PTPRT: variants seen among roughly 807,000 people sequenced by gnomAD.
PTPRT encodes protein tyrosine phosphatase receptor type T, also known as receptor-type tyrosine-protein phosphatase T.
In PTPRT, 56 loss-of-function variants were observed where a neutral mutation model predicts 176.8. The observed-to-expected ratio is 0.32, with a 90% CI of 0.26 to 0.40. The LOEUF is 0.40. Among genes scored for constraint, PTPRT ranks in the 10% least tolerant of loss-of-function variants. The pLI is 1.00. For synonymous variants in PTPRT, 783 were observed against 739.0 expected (o/e 1.06, Z -0.96); for missense variants, 1,540 against 1,908.2 (o/e 0.81, Z 3.60).
intron 9 of PTPRT, among the ~76,000 whole-genome samples, chr20:42,421,176 T>C (rs958784691): frequency 1.3e-5 from 2 of 152,120 alleles, no homozygotes; most frequent in Admixed American, 1.3e-4. Flanking sequence ...AAAAATTAGA[T>C]GCAGTCTGCA....
chr20:42,357,016 C>T (rs554348848), intron 9 of PTPRT, among the ~76,000 whole-genome samples: 1 of 152,302 alleles, frequency 6.6e-6, no homozygotes, highest in South Asian at 2.1e-4. Flanking sequence ...GGTATCTTCT[C>T]TGACTCCCAG....
chr20:42,386,579 A>T lies in PTPRT; in HGVS notation c.1561-34294T>A, dbSNP rs6030190. On this transcript the variant is annotated intron_variant, in intron 9 of 30. Transcript: ENST00000373187. Reference sequence around the variant, plus strand: ...GCTTGACATTGCTTCTATCTTTCATACCTTCATAACGATCCTGCAAAGTAA... The same window carrying T: ...GCTTGACATTGCTTCTATCTTTCATTCCTTCATAACGATCCTGCAAAGTAA... Among the ~76,000 whole-genome samples the T allele has an allele frequency of 8.3e-3, 1,263 of 152,216 alleles. 22 individuals carry two copies. Among genetic ancestry groups the T allele is most frequent in the African/African-American group, 0.028 (1,170 of 41,530 alleles).
At chr20:42,530,434 T>C (rs2072361264) in intron 7 of PTPRT, among the ~76,000 whole-genome samples, 1 of 152,100 alleles carries the variant, frequency 6.6e-6, no homozygotes, top group Non-Finnish European at 1.5e-5. Flanking sequence ...CACAACATAA[T>C]GTGTTAAGTG....
At chr20:42,731,385 G>T (rs571850220) in intron 6 of PTPRT, among the ~76,000 whole-genome samples, 6 of 152,288 alleles carry the variant, frequency 3.9e-5, no homozygotes, top group Admixed American at 1.3e-4. Context: ...TACCGAGCAG[G>T]CAAGATCAGA....
intron 1 of PTPRT, among the ~76,000 whole-genome samples, chr20:42,888,289 C>T (rs1600522298): frequency 2.0e-5 from 3 of 150,674 alleles, no homozygotes; most frequent in South Asian, 2.1e-4. Flanking sequence ...CTGTTAGCAC[C>T]GTAGAGCTTT....
At chr20:42,368,524 C>T (rs1232096870) in intron 9 of PTPRT, among the ~76,000 whole-genome samples, 1 of 152,084 alleles carries the variant, frequency 6.6e-6, no homozygotes, top group Non-Finnish European at 1.5e-5. Context: ...TATTTAAAGT[C>T]ACACAAACTC....
intron 9 of PTPRT, among the ~76,000 whole-genome samples, chr20:42,367,517 G>C (rs552955745): frequency 2.0e-5 from 3 of 152,278 alleles, no homozygotes; most frequent in East Asian, 3.9e-4. Context: ...GAAGGTGAGA[G>C]GAGGGGAGAA....
the PTPRT span, among the ~76,000 whole-genome samples, chr20:42,051,126 TGGCTTG>T: frequency 6.6e-6 from 1 of 152,196 alleles, no homozygotes; most frequent in African/African-American, 2.4e-5. Flanking sequence ...ACCAGCAGAC[TGGCTTG>T]GGCCCACGGT....
At chr20:42,137,577 C>G (rs1348223796) in intron 18 of PTPRT, among the ~76,000 whole-genome samples, 2 of 152,184 alleles carry the variant, frequency 1.3e-5, no homozygotes, top group African/African-American at 4.8e-5. Context: ...GGCTGTTCTA[C>G]AGACTTGCTG....
chr20:42,502,447 CAT>C (rs1555870763), intron 7 of PTPRT, among the ~76,000 whole-genome samples: 22 of 142,100 alleles, frequency 1.5e-4, no homozygotes, highest in Non-Finnish European at 3.2e-4. Context: ...CACACACACA[CAT>C]CTCAAATGAG....
chr20:42,888,193 G>A (rs73907299), intron 1 of PTPRT, among the ~76,000 whole-genome samples: 3,497 of 152,218 alleles, frequency 0.023, 77 homozygotes, highest in African/African-American at 0.057. Flanking sequence ...CCAGAGACTC[G>A]CCTGACCAGG....
chr20:42,249,235 T>C (rs912860781), intron 13 of PTPRT, among the ~76,000 whole-genome samples: 6 of 152,192 alleles, frequency 3.9e-5, no homozygotes, highest in Admixed American at 3.9e-4. Context: ...AAATAACAGC[T>C]TTATTTTGGG....
intron 1 of PTPRT, among the ~76,000 whole-genome samples, chr20:42,983,243 C>A (rs1983378943): frequency 1.3e-5 from 2 of 152,212 alleles, no homozygotes; most frequent in African/African-American, 4.8e-5. Context: ...CACTTTGTAG[C>A]CTGTCACAGC....
chr20:43,111,779 A>G (rs1400879023), intron 1 of PTPRT, among the ~76,000 whole-genome samples: 1 of 152,200 alleles, frequency 6.6e-6, no homozygotes, highest in East Asian at 1.9e-4. Context: ...GGGTGACTCA[A>G]AATTAATCAC....
intron 1 of PTPRT, among the ~76,000 whole-genome samples, chr20:43,053,206 C>T (rs558635588): frequency 6.6e-6 from 1 of 152,268 alleles, no homozygotes; most frequent in South Asian, 2.1e-4. Context: ...TCTTGTGTTC[C>T]TTCTCTCTCT....
intron 1 of PTPRT, among the ~76,000 whole-genome samples, chr20:43,139,440 T>A (rs1486656749): frequency 6.6e-6 from 1 of 152,196 alleles, no homozygotes; most frequent in African/African-American, 2.4e-5. Flanking sequence ...GGAGACCACG[T>A]TCCAGGACAC....
In PTPRT at chr20:42,478,677, T is replaced by C. The variant is rs187917081; in HGVS notation, c.1154-6115A>G. ...TCAAGGCCCAGCTCCAATGCCACCC[T>C]TTACTTGTGACTTTCTCTAACAGTC... On this transcript the variant is annotated intron_variant, in intron 7 of 30. Coordinates refer to ENST00000373187, the MANE Select transcript of PTPRT (RefSeq NM_007050.6). Among the ~76,000 whole-genome samples the C allele has an allele frequency of 2.3e-3, 349 of 152,202 alleles. 3 individuals are homozygous for C. The highest frequency in any genetic ancestry group is 8.2e-3 in the African/African-American group (339 of 41,526).
intron 7 of PTPRT, among the ~76,000 whole-genome samples, chr20:42,480,518 A>G (rs1190819385): frequency 6.6e-6 from 1 of 152,138 alleles, no homozygotes; most frequent in Non-Finnish European, 1.5e-5. Context: ...TTCTACATAC[A>G]TATCCTGAAC....
intron 1 of PTPRT, among the ~76,000 whole-genome samples, chr20:42,931,041 C>G (rs1015447005): frequency 1.9e-4 from 29 of 152,172 alleles, no homozygotes; most frequent in African/African-American, 6.5e-4. Context: ...CCACCACCAC[C>G]ACCAATATCC....
Sources: gnomAD v4.1 joint callset for allele counts (sites outside exome capture counted in the v4.1 genomes callset) on GRCh38, gnomAD v4.1.1 for gene constraint, MANE v1.5 for transcripts, NCBI Gene and HGNC (gene_info 2026-07-23, HGNC 2026-07-21) for gene names.